The following HSH2D variants were observed in gnomAD, a reference collection of about 807,000 sequenced individuals.
HSH2D encodes the protein hematopoietic SH2 domain containing.
HSH2D carries 16 observed loss-of-function variants against 21.5 expected under a neutral mutation model. That is an observed-to-expected ratio of 0.74 (90% CI 0.50 to 1.13). HSH2D has a LOEUF of 1.13. HSH2D is among the 50% of genes most tolerant of loss of function. The pLI is 0.00. For synonymous variants in HSH2D, 172 were observed against 184.7 expected, an observed-to-expected ratio of 0.93 and a Z score of 0.56; for missense variants, 418 against 441.4, an observed-to-expected ratio of 0.95 and a Z score of 0.47.
At chr19:16,151,386 G>C (rs565139166) in intron 2 of HSH2D, 5 of 326,274 alleles carry the variant, frequency 1.5e-5, no homozygotes, top group South Asian at 9.2e-5. Context: ...CAAACATTTT[G>C]GGAGCACTTA....
At chr19:16,138,644 GAC>G (rs1283121814) in intron 1 of HSH2D, among the ~76,000 whole-genome samples, 1 of 152,036 alleles carries the variant, frequency 6.6e-6, no homozygotes, top group Non-Finnish European at 1.5e-5. Context: ...TTTTGGTAGA[GAC>G]AGGGTTTCAC....
Position 16,148,766 on chromosome 19 carries a change from A to G in HSH2D, c.16A>G (p.Lys6Glu), listed in dbSNP as rs984610448. The part of the protein sequence containing the change: MTEAG[K>E]LPLPLPPRLD... ...CCAGGAAGCTATGACAGAGGCCGGGAAGCTGCCCCTACCGCTACCCCCACG... is the reference window on the plus strand; with the variant it reads ...CCAGGAAGCTATGACAGAGGCCGGGGAGCTGCCCCTACCGCTACCCCCACG... Residue 6 changes from lysine to glutamate, a missense_variant, in exon 2 of 6, where the codon AAG becomes GAG. By Grantham distance (56) the Lys-to-Glu change is moderately conservative. Coordinates refer to ENST00000613986, the MANE Select transcript of HSH2D (RefSeq NM_001382417.1). 1 of 1,613,748 alleles carries G rather than the reference A, an allele frequency of 6.2e-7. No individual in the cohort carries two copies. The highest frequency in any genetic ancestry group is 8.5e-7 in the Non-Finnish European group (1 of 1,179,878).
chr19:16,147,239 C>T (rs533881047), intron 1 of HSH2D, among the ~76,000 whole-genome samples: 142 of 152,014 alleles, frequency 9.3e-4, no homozygotes, highest in Non-Finnish European at 1.7e-3. Context: ...AATGCTAGCA[C>T]TTTGGGAGGC....
At position 16,152,290 on chromosome 19, in the gene HSH2D, C is replaced by T. The variant is rs2091168659; in HGVS notation, c.126-262C>T. On this transcript the variant is annotated intron_variant, in intron 2 of 5. Coordinates refer to ENST00000613986, the MANE Select transcript of HSH2D (RefSeq NM_001382417.1). ...AAAATTAGCCGGGCGTGGTGGCTGG[C>T]GCCTGTGGTCCCAGCTACTTGGGAG... Among the ~76,000 whole-genome samples the T allele has an allele frequency of 2.0e-5, 3 of 151,534 alleles. No homozygotes were observed. In the South Asian group the frequency reaches 6.2e-4, roughly 32 times the overall value.
chr19:16,153,184 G>C lies in HSH2D; in HGVS notation c.357G>C (p.Glu119Asp), dbSNP rs2091187461. Reference sequence around the variant, plus strand: ...AGAAGCCAATTGAGCCGCGCAGGGAGCTGCTGACACAGCCCTGCAGGCAGG... The same window carrying C: ...AGAAGCCAATTGAGCCGCGCAGGGACCTGCTGACACAGCCCTGCAGGCAGG... ...HQQKPIEPRRELLTQPCRQKD... is the reference protein window; with the variant it reads ...HQQKPIEPRRDLLTQPCRQKD... Residue 119 changes from glutamate to aspartate, a missense_variant, in exon 4 of 6, where the codon GAG becomes GAC. By Grantham distance (45) the Glu-to-Asp change is conservative. Transcript: ENST00000613986. The C allele has an allele frequency of 2.6e-6, 4 of 1,557,486 alleles. No individual in the cohort carries two copies. The highest frequency in any genetic ancestry group is 3.5e-6 in the Non-Finnish European group (4 of 1,152,692).
chr19:16,152,522 T>G, intron 2 of HSH2D, 30 bp from the exon 3 acceptor site: 1 of 1,425,478 alleles, frequency 7.0e-7, no homozygotes, highest in Non-Finnish European at 9.3e-7. Flanking sequence ...GCTGGACTGT[T>G]TCATTTCCTT....
At position 16,157,476 on chromosome 19, in the gene HSH2D, C is replaced by T. The variant is rs200003896; in HGVS notation, c.741C>T (p.Thr247=). 3.6e-4 allele frequency: 574 copies of T among 1,613,810 alleles called. 1 individual carries two copies. In the East Asian group the frequency reaches 8.7e-3, roughly 24 times the overall value. The change falls in exon 6 of 6, where the codon ACC becomes ACT. Residue 247 remains threonine (T), a synonymous_variant. Coordinates refer to ENST00000613986, the MANE Select transcript of HSH2D (RefSeq NM_001382417.1). This position sits in a 1 kb window ranked among gnomAD's most constrained non-coding sequence, Gnocchi z 4.4. ...RRSTVISGPG[T]GKGSQDHSGD... ...CCACGGTGATCTCAGGCCCTGGGAC[C>T]GGAAAAGGCAGCCAAGATCACTCAG...
intron 1 of HSH2D, among the ~76,000 whole-genome samples, chr19:16,135,102 C>T (rs2090952795): frequency 6.6e-6 from 1 of 152,012 alleles, no homozygotes; most frequent in South Asian, 2.1e-4. Context: ...ATGGCAAAAC[C>T]CCATCTTTAC....
rs574150929 is a variant in HSH2D at position 16,157,895 on chromosome 19, G to GT, written c.*102dup. 6.0e-5 allele frequency: 51 copies of GT among 848,504 alleles called. No individual in the cohort carries two copies. The South Asian group carries it at 9.1e-4, about 15-fold the overall frequency. The allele number at this position is 848,504 out of a possible 1,614,324, so 52.6% of individuals were successfully genotyped here. A position where few individuals can be genotyped will look rare whatever the true frequency, so the allele number is the denominator to read the frequency against. On this transcript the variant is annotated 3_prime_UTR_variant, in exon 6 of 6. Transcript: ENST00000613986. This position sits in a 1 kb window ranked among gnomAD's most constrained non-coding sequence, Gnocchi z 4.4. ...TGGCCCCACACCATGGCATCCGGGG[G>GT]TCTTCGGGAACCCGGGAAATGGAAT...
intron 1 of HSH2D, among the ~76,000 whole-genome samples, chr19:16,145,025 T>TG (rs2091047712): frequency 1.4e-5 from 2 of 139,056 alleles, no homozygotes; most frequent in African/African-American, 5.6e-5. Context: ...GGTGATGGGT[T>TG]TTTTTTTTGG....
intron 2 of HSH2D, among the ~76,000 whole-genome samples, chr19:16,149,682 G>T (rs285288): frequency 0.017 from 2,623 of 151,604 alleles, 75 homozygotes; most frequent in African/African-American, 0.061. Context: ...TATCTCCTGG[G>T]TTCAAGCAAT....
chr19:16,142,759 A>AGCTGGT (rs1205676571), upstream of HSH2D, among the ~76,000 whole-genome samples: 1 of 151,438 alleles, frequency 6.6e-6, no homozygotes, highest in South Asian at 2.1e-4. Context: ...CACCGCACCC[A>AGCTGGT]GCTGGTGTTT....
intron 1 of HSH2D, among the ~76,000 whole-genome samples, chr19:16,147,438 G>C (rs2091086611): frequency 6.7e-6 from 1 of 150,164 alleles, no homozygotes; most frequent in African/African-American, 2.4e-5. Context: ...GAGCCAAGAT[G>C]GGGCCACTGC....
upstream of HSH2D, chr19:16,139,939 T>C (rs965075800): frequency 6.6e-6 from 1 of 152,182 alleles, no homozygotes; most frequent in African/African-American, 2.4e-5. Flanking sequence ...GTGATTCTGT[T>C]GCGACATCTG....
upstream of HSH2D, among the ~76,000 whole-genome samples, chr19:16,141,274 C>G (rs532887300): frequency 1.3e-5 from 2 of 152,158 alleles, no homozygotes; most frequent in Non-Finnish European, 2.9e-5. Flanking sequence ...CTGCTGTTGC[C>G]GAGGAGGAGC....
intron 3 of HSH2D, 162 bp downstream of exon 3, chr19:16,152,803 G>T (rs774315531): frequency 6.1e-5 from 46 of 758,428 alleles, no homozygotes; most frequent in Non-Finnish European, 8.3e-5. Context: ...TGAAGCTTTT[G>T]TCCGTAGTGG....
At chr19:16,152,704 C>A in intron 3 of HSH2D, 63 bp downstream of exon 3, 1 of 1,215,718 alleles carries the variant, frequency 8.2e-7, no homozygotes, top group Non-Finnish European at 1.2e-6. Flanking sequence ...TTGGAGGGGG[C>A]AAGGGGTGCT....
At chr19:16,138,657 C>T (rs1458093874) in intron 1 of HSH2D, among the ~76,000 whole-genome samples, 1 of 152,066 alleles carries the variant, frequency 6.6e-6, no homozygotes, top group Non-Finnish European at 1.5e-5. Flanking sequence ...AGGGTTTCAC[C>T]ATGTTGGCCA....
chr19:16,138,484 G>T (rs907276994), intron 1 of HSH2D, among the ~76,000 whole-genome samples: 2 of 152,146 alleles, frequency 1.3e-5, no homozygotes, highest in Non-Finnish European at 2.9e-5. Flanking sequence ...TTGAGATGGA[G>T]TCTCGCTCTG....
Sources: allele counts gnomAD v4.1 joint callset (sites outside exome capture counted in the v4.1 genomes callset), GRCh38; gene constraint gnomAD v4.1.1; non-coding constraint Gnocchi (gnomAD v3.1); transcripts MANE v1.5; gene names NCBI Gene and HGNC (gene_info 2026-07-23, HGNC 2026-07-21).